ADGRL3: variants seen among roughly 807,000 people sequenced by gnomAD.
ADGRL3 encodes calcium-independent alpha-latrotoxin receptor 3.
Under a neutral mutation model 153.5 loss-of-function variants are expected in ADGRL3, and 62 were observed. That is an observed-to-expected ratio of 0.40 (90% CI 0.33 to 0.50). The LOEUF (loss-of-function observed/expected upper bound fraction) is 0.50, where lower values mean the gene tolerates loss of function less well. Among genes scored for constraint, ADGRL3 ranks in the 20% least tolerant of loss-of-function variants. The pLI is 0.47. For missense variants in ADGRL3, 1,641 were observed against 1,859.4 expected, an observed-to-expected ratio of 0.88 and a Z score of 2.16; for synonymous variants, 710 against 672.5, an observed-to-expected ratio of 1.06 and a Z score of -0.86.
intron 8 of ADGRL3, chr4:61,775,827 A>G (rs2097141461): frequency 3.3e-6 from 2 of 609,754 alleles, no homozygotes; most frequent in Non-Finnish European, 3.1e-6. Flanking sequence ...TTACGCTTCC[A>G]GCAGCAATAC....
intron 8 of ADGRL3, among the ~76,000 whole-genome samples, chr4:61,750,545 A>G (rs1488331523): frequency 6.6e-6 from 1 of 152,140 alleles, no homozygotes; most frequent in Non-Finnish European, 1.5e-5. Context: ...TAATCCCAGC[A>G]CTTTGGGAGG....
intron 5 of ADGRL3, among the ~76,000 whole-genome samples, chr4:61,626,133 CA>C (rs139960985): frequency 0.034 from 5,055 of 148,404 alleles, 142 homozygotes; most frequent in East Asian, 0.19. Context: ...TTAAAATCTA[CA>C]AAAAAAAAAT....
chr4:61,747,270 A>C (rs1429151494), intron 8 of ADGRL3, among the ~76,000 whole-genome samples: 4 of 150,044 alleles, frequency 2.7e-5, no homozygotes, highest in Non-Finnish European at 5.9e-5. Flanking sequence ...GCTGAATTCT[A>C]CCAGAGGTAC....
Position 61,753,905 on chromosome 4 carries a change from T to G in ADGRL3, c.1399+20351T>G, listed in dbSNP as rs533980050. ...CTCAGATTAGACTTTTAAAAGCGCC[T>G]GGAGGCTAGGATACCAAGCCAATGG... On this transcript the variant is annotated intron_variant, in intron 8 of 26. Coordinates refer to ENST00000683033, the MANE Select transcript of ADGRL3 (RefSeq NM_001387552.1). Among the ~76,000 whole-genome samples, 218 of 152,258 alleles carry G rather than the reference T, an allele frequency of 1.4e-3. 1 individual carries two copies. Among genetic ancestry groups the G allele is most frequent in the African/African-American group, 4.9e-3 (205 of 41,542 alleles).
chr4:61,867,879 T>G (rs2098412582), intron 9 of ADGRL3, among the ~76,000 whole-genome samples: 1 of 152,064 alleles, frequency 6.6e-6, no homozygotes, highest in Non-Finnish European at 1.5e-5. Flanking sequence ...TATGTGGATT[T>G]TTTTATATTA....
intron 13 of ADGRL3, among the ~76,000 whole-genome samples, chr4:61,924,384 T>C (rs1238608461): frequency 1.3e-5 from 2 of 152,200 alleles, no homozygotes; most frequent in Non-Finnish European, 2.9e-5. Context: ...CTTGGTGATC[T>C]CATTGATTTA....
At chr4:61,279,814 G>A (rs761153124) in intron 1 of ADGRL3, among the ~76,000 whole-genome samples, 9 of 151,986 alleles carry the variant, frequency 5.9e-5, no homozygotes, top group Admixed American at 3.3e-4. Flanking sequence ...TATCAAGTGC[G>A]TTATTCTTAT....
chr4:61,639,382 A>C (rs1198684137), intron 5 of ADGRL3, among the ~76,000 whole-genome samples: 1 of 152,126 alleles, frequency 6.6e-6, no homozygotes, highest in Non-Finnish European at 1.5e-5. Context: ...TAAAATAATC[A>C]TATACAAAAT....
intron 8 of ADGRL3, among the ~76,000 whole-genome samples, chr4:61,805,705 T>C (rs2097546043): frequency 6.6e-6 from 1 of 152,162 alleles, no homozygotes; most frequent in Non-Finnish European, 1.5e-5. Flanking sequence ...AATGATACAA[T>C]TGCCCCCTAC....
chr4:62,063,372 T>C, intron 25 of ADGRL3: 1 of 455,422 alleles, frequency 2.2e-6, no homozygotes, highest in South Asian at 5.1e-5. Flanking sequence ...TTTTTTAGTC[T>C]AGTTAGCTGC....
chr4:62,065,921 G>C (rs1349510962), intron 25 of ADGRL3, among the ~76,000 whole-genome samples: 1 of 151,848 alleles, frequency 6.6e-6, no homozygotes, highest in Admixed American at 6.6e-5. Flanking sequence ...ACTGGTTATT[G>C]CTACTTGGAT....
intron 4 of ADGRL3, among the ~76,000 whole-genome samples, chr4:61,551,142 T>C (rs1407484984): frequency 1.3e-5 from 2 of 152,144 alleles, no homozygotes; most frequent in African/African-American, 4.8e-5. Context: ...ATATTCCTTT[T>C]AGATTAAATT....
intron 25 of ADGRL3, among the ~76,000 whole-genome samples, chr4:62,061,112 T>C (rs568470784): frequency 2.0e-5 from 3 of 152,062 alleles, no homozygotes; most frequent in African/African-American, 7.2e-5. Context: ...GATAATTTAC[T>C]CTGACAAAGA....
intron 2 of ADGRL3, among the ~76,000 whole-genome samples, chr4:61,389,915 A>G (rs936414432): frequency 3.9e-5 from 6 of 152,174 alleles, no homozygotes; most frequent in Admixed American, 1.3e-4. Flanking sequence ...GTCAGCTACT[A>G]CTTAATCCAC....
intron 1 of ADGRL3, among the ~76,000 whole-genome samples, chr4:61,297,107 T>G (rs2094436395): frequency 6.6e-6 from 1 of 152,196 alleles, no homozygotes; most frequent in Non-Finnish European, 1.5e-5. Flanking sequence ...TATATGTTTC[T>G]TAATAAGAGC....
chr4:61,491,840 G>T (rs917052546), intron 2 of ADGRL3, among the ~76,000 whole-genome samples: 9 of 151,926 alleles, frequency 5.9e-5, no homozygotes, highest in East Asian at 1.9e-4. Flanking sequence ...TCATTAAAAA[G>T]GTACTTTATG....
intron 22 of ADGRL3, among the ~76,000 whole-genome samples, chr4:62,029,933 C>T (rs1721053105): frequency 6.6e-6 from 1 of 151,442 alleles, no homozygotes. Context: ...TAGTATACTT[C>T]TGAATCCAGT....
At chr4:61,748,205 A>G (rs1319743969) in intron 8 of ADGRL3, among the ~76,000 whole-genome samples, 6 of 152,158 alleles carry the variant, frequency 3.9e-5, no homozygotes, top group Admixed American at 2.0e-4. Flanking sequence ...AATGAAATAA[A>G]AGAGAATACA....
At chr4:61,354,022 A>G (rs2096111241) in intron 1 of ADGRL3, among the ~76,000 whole-genome samples, 2 of 152,158 alleles carry the variant, frequency 1.3e-5, no homozygotes, top group Non-Finnish European at 2.9e-5. Context: ...CTTTCCTTTC[A>G]GAAAAAAACA....
Sources: allele counts gnomAD v4.1 joint callset (sites outside exome capture counted in the v4.1 genomes callset), GRCh38; gene constraint gnomAD v4.1.1; transcripts MANE v1.5; gene names NCBI Gene and HGNC (gene_info 2026-07-23, HGNC 2026-07-21).